Variants in MPPED1 observed in about 807,000 individuals in gnomAD.
MPPED1 encodes the protein metallophosphoesterase domain-containing protein 1.
MPPED1 carries 16 observed loss-of-function variants against 36.2 expected under a neutral mutation model. The observed-to-expected ratio is 0.44, with a 90% confidence interval of 0.30 to 0.67. The LOEUF is 0.67. MPPED1 is among the 30% of genes least tolerant of loss of function. The pLI is 0.10. For missense variants in MPPED1, 307 were observed against 453.4 expected (o/e 0.68, Z 2.93); for synonymous variants, 199 against 191.3 (o/e 1.04, Z -0.33).
At chr22:43,468,733 G>A (rs1194903390) in intron 3 of MPPED1, among the ~76,000 whole-genome samples, 1 of 152,138 alleles carries the variant, frequency 6.6e-6, no homozygotes, top group Non-Finnish European at 1.5e-5. Context: ...CGGGAACACT[G>A]GGGGCTCATG....
At chr22:43,505,221 C>T (rs73428378) in intron 6 of MPPED1, among the ~76,000 whole-genome samples, 2,109 of 152,046 alleles carry the variant, frequency 0.014, 51 homozygotes, top group African/African-American at 0.049. Context: ...AAGATGATGT[C>T]GATGATGATG....
At position 43,463,834 on chromosome 22, in the gene MPPED1, TCTTTC is replaced by T. The variant is rs1931054495; in HGVS notation, c.407-10901_407-10897del. ...TTCTTTCTTTCTTTCTTTCTTTCTT[TCTTTC>T]TTTCTTTCTTTCTTTCTTTCTTTCT... On this transcript the variant is annotated intron_variant, in intron 3 of 6. Coordinates refer to ENST00000443721, the MANE Select transcript of MPPED1 (RefSeq NM_001044370.2). Among the ~76,000 whole-genome samples, 153 of 145,064 alleles carry T rather than the reference TCTTTC, an allele frequency of 1.1e-3. 4 individuals carry two copies. The highest frequency in any genetic ancestry group is 1.5e-3 in the Non-Finnish European group (101 of 66,260).
chr22:43,413,610 C>T (rs1286425438), intron 1 of MPPED1, among the ~76,000 whole-genome samples: 2 of 152,166 alleles, frequency 1.3e-5, no homozygotes, highest in African/African-American at 2.4e-5. Flanking sequence ...TGGAGCCAGG[C>T]GCAGTCTGCA....
chr22:43,412,113 T>C lies in MPPED1; in HGVS notation c.-124T>C. ...AGCCCCTGCCTCCCTCGGTGCGCGCTGCTGCTCGCAGCCGCCGCGGCCGCC... is the reference window on the plus strand; with the variant it reads ...AGCCCCTGCCTCCCTCGGTGCGCGCCGCTGCTCGCAGCCGCCGCGGCCGCC... On this transcript the variant is annotated 5_prime_UTR_variant, in exon 1 of 7. Coordinates refer to ENST00000443721, the MANE Select transcript of MPPED1 (RefSeq NM_001044370.2). The C allele has an allele frequency of 1.0e-6, 1 of 978,266 alleles. No individual in the cohort carries two copies. Among genetic ancestry groups the C allele is most frequent in the Non-Finnish European group, 1.2e-6 (1 of 827,308 alleles). The allele number at this position is 978,266 out of a possible 1,614,324, so 60.6% of individuals were successfully genotyped here. A position where few individuals can be genotyped will look rare whatever the true frequency, so the allele number is the denominator to read the frequency against.
intron 5 of MPPED1, among the ~76,000 whole-genome samples, chr22:43,499,671 G>T: frequency 9.4e-6 from 1 of 105,914 alleles, no homozygotes; most frequent in Non-Finnish European, 2.0e-5. Flanking sequence ...GGCGGTGATG[G>T]GGGTGATGGT....
At chr22:43,428,678 C>G (rs1208100632) in intron 2 of MPPED1, among the ~76,000 whole-genome samples, 4 of 152,134 alleles carry the variant, frequency 2.6e-5, no homozygotes. Context: ...AACATGGCCT[C>G]TGGTTGAGTC....
chr22:43,445,277 G>A (rs1429240433), intron 3 of MPPED1, among the ~76,000 whole-genome samples: 4 of 152,112 alleles, frequency 2.6e-5, no homozygotes, highest in Admixed American at 6.5e-5. Flanking sequence ...TATAAAACAT[G>A]CCCATTTCTG....
At chr22:43,413,790 A>G (rs1928987850) in intron 1 of MPPED1, among the ~76,000 whole-genome samples, 1 of 152,190 alleles carries the variant, frequency 6.6e-6, no homozygotes, top group Non-Finnish European at 1.5e-5. Context: ...CTGGAGGTAC[A>G]TTAATTGGGC....
intron 3 of MPPED1, among the ~76,000 whole-genome samples, chr22:43,473,128 C>T (rs1393954607): frequency 2.6e-5 from 4 of 152,230 alleles, no homozygotes; most frequent in African/African-American, 4.8e-5. Context: ...GCTCACACAG[C>T]GGAAGAGGTA....
At chr22:43,487,820 C>T (rs900453464) in intron 4 of MPPED1, among the ~76,000 whole-genome samples, 7 of 152,038 alleles carry the variant, frequency 4.6e-5, no homozygotes, top group Non-Finnish European at 8.8e-5. Context: ...CTGAAACGGG[C>T]GGGCCTCCCA....
chr22:43,461,411 C>G (rs1025905957), intron 3 of MPPED1, among the ~76,000 whole-genome samples: 1 of 152,202 alleles, frequency 6.6e-6, no homozygotes, highest in African/African-American at 2.4e-5. Flanking sequence ...CACAACTCAG[C>G]TATTTTTCTT....
intron 4 of MPPED1, among the ~76,000 whole-genome samples, chr22:43,497,125 C>CGTG (rs1266581498): frequency 9.1e-6 from 1 of 109,396 alleles, no homozygotes; most frequent in Non-Finnish European, 1.9e-5. Flanking sequence ...TGGTGATGGA[C>CGTG]GTGGTGGTGG....
At chr22:43,460,424 G>C (rs1427675587) in intron 3 of MPPED1, among the ~76,000 whole-genome samples, 1 of 151,876 alleles carries the variant, frequency 6.6e-6, no homozygotes, top group Non-Finnish European at 1.5e-5. Context: ...TCCGTCTCCT[G>C]GGTTCAAGTG....
intron 3 of MPPED1, among the ~76,000 whole-genome samples, chr22:43,458,788 T>C (rs970917363): frequency 1.3e-5 from 2 of 152,240 alleles, no homozygotes; most frequent in Admixed American, 6.5e-5. Context: ...TTTTAAAGGA[T>C]AGTTTTGCGG....
At chr22:43,420,438 T>C (rs902535808) in intron 1 of MPPED1, among the ~76,000 whole-genome samples, 2 of 151,378 alleles carry the variant, frequency 1.3e-5, no homozygotes, top group Non-Finnish European at 2.9e-5. Context: ...GGAGTCTCAC[T>C]CTGTTACCCA....
chr22:43,474,981 G>A lies in MPPED1; in HGVS notation c.632+20G>A. ...CCCATGGTGAGTGGGCCTGGGTGCT[G>A]GTCCTGCCTGCTGGTGAGACCAGAG... On this transcript the variant is annotated intron_variant, in intron 4 of 6. Transcript: ENST00000443721. The surrounding 1 kb of genome is among the most constrained non-coding windows in gnomAD (Gnocchi z 5.2). 6.2e-7 allele frequency: 1 copy of A among 1,610,834 alleles called. No individual in the cohort carries two copies. The highest frequency in any genetic ancestry group is 8.5e-7 in the Non-Finnish European group (1 of 1,177,468).
intron 6 of MPPED1, 91 bp from the exon 7 acceptor site, chr22:43,505,407 A>C (rs1310708784): frequency 8.8e-7 from 1 of 1,136,150 alleles, no homozygotes; most frequent in Non-Finnish European, 1.3e-6. Context: ...CATTCAGCCC[A>C]CAGGGGCTGA....
At chr22:43,460,229 A>G (rs1037113795) in intron 3 of MPPED1, among the ~76,000 whole-genome samples, 4 of 119,290 alleles carry the variant, frequency 3.4e-5, no homozygotes, top group African/African-American at 1.2e-4. Flanking sequence ...AAAAACAAAA[A>G]CAAAAACAAA....
chr22:43,484,008 CTCT>C (rs1931832518), intron 4 of MPPED1, among the ~76,000 whole-genome samples: 1 of 152,258 alleles, frequency 6.6e-6, no homozygotes, highest in African/African-American at 2.4e-5. Flanking sequence ...TCCAACTCCC[CTCT>C]TAAGTGGCCG....
Sources: gnomAD v4.1 joint callset for allele counts (sites outside exome capture counted in the v4.1 genomes callset) on GRCh38, gnomAD v4.1.1 for gene constraint, Gnocchi (gnomAD v3.1) non-coding constraint, MANE v1.5 for transcripts, NCBI Gene and HGNC (gene_info 2026-07-23, HGNC 2026-07-21) for gene names.